The following TACC2 variants were observed in gnomAD, a reference collection of about 807,000 sequenced individuals.
TACC2 encodes transforming acidic coiled-coil-containing protein 2.
Under a neutral mutation model 227.3 loss-of-function variants are expected in TACC2, and 137 were observed. That is an observed-to-expected ratio of 0.60 (90% CI 0.52 to 0.69). The LOEUF (loss-of-function observed/expected upper bound fraction) is 0.69. Ranked by LOEUF, TACC2 falls within the 30% of genes least tolerant of loss-of-function variation. The probability of loss-of-function intolerance (pLI) is 0.00; values close to 1 mark genes in which losing one functional copy is unlikely to be tolerated. For synonymous variants in TACC2, 1,523 were observed against 1,487.5 expected (o/e 1.02, Z -0.55); for missense variants, 3,470 against 3,694.4 (o/e 0.94, Z 1.57).
In TACC2 at chr10:122,085,123, A is replaced by G. The variant is rs1197805195; in HGVS notation, c.2623A>G (p.Ile875Val). ...FKDQGADSSQIHVPVEPQEDN... is the reference protein window; with the variant it reads ...FKDQGADSSQVHVPVEPQEDN... Reference sequence around the variant, plus strand: ...GGACCAGGGAGCAGATTCTTCCCAAATCCATGTACCTGTGGAACCTCAGGA... The same window carrying G: ...GGACCAGGGAGCAGATTCTTCCCAAGTCCATGTACCTGTGGAACCTCAGGA... Residue 875 changes from isoleucine to valine, a missense_variant, in exon 4 of 23, where the codon ATC becomes GTC. By Grantham distance (29) the Ile-to-Val change is conservative. Coordinates refer to ENST00000369005, the MANE Select transcript of TACC2 (RefSeq NM_206862.4). 3.7e-6 allele frequency: 6 copies of G among 1,614,070 alleles called. No homozygotes were observed. The African/African-American group carries it at 6.7e-5, about 18-fold the overall frequency.
intron 3 of TACC2, among the ~76,000 whole-genome samples, chr10:122,074,012 C>T (rs2078465691): frequency 6.6e-6 from 1 of 151,812 alleles, no homozygotes; most frequent in South Asian, 2.1e-4. Flanking sequence ...GATCTCCTGA[C>T]CTTGTGATCT....
chr10:122,008,276 TGAGACAGA>T (rs1955492537), intron 1 of TACC2, among the ~76,000 whole-genome samples: 2 of 102,880 alleles, frequency 1.9e-5, no homozygotes, highest in Non-Finnish European at 3.9e-5. Flanking sequence ...TTTTTTTTTT[TGAGACAGA>T]ATTTTGCTCT....
intron 7 of TACC2, among the ~76,000 whole-genome samples, chr10:122,183,703 T>A (rs1350366928): frequency 6.6e-6 from 1 of 152,138 alleles, no homozygotes; most frequent in East Asian, 1.9e-4. Context: ...CCAAACCTAC[T>A]GGAGACTGAT....
chr10:122,083,797 G>A lies in TACC2; in HGVS notation c.1297G>A (p.Ala433Thr), dbSNP rs2079802232. Residue 433 changes from alanine to threonine, a missense_variant, in exon 4 of 23, where the codon GCT becomes ACT. Coordinates refer to ENST00000369005, the MANE Select transcript of TACC2 (RefSeq NM_206862.4). ...ATTCCCAGCTGCTCAGATTCCTATT[G>A]CTGTAGAAGAACCTGGATCATCATC... ...ASFPAAQIPI[A>T]VEEPGSSSRE... The A allele has an allele frequency of 1.2e-6, 2 of 1,614,046 alleles. No individual in the cohort carries two copies. The highest frequency in any genetic ancestry group is 1.7e-6 in the Non-Finnish European group (2 of 1,180,042).
At chr10:121,993,500 A>G (rs900253946) in intron 1 of TACC2, among the ~76,000 whole-genome samples, 24 of 152,200 alleles carry the variant, frequency 1.6e-4, no homozygotes, top group African/African-American at 5.8e-4. Context: ...GTTTCCAGAA[A>G]GAATTATTTA....
intron 8 of TACC2, among the ~76,000 whole-genome samples, chr10:122,203,866 C>T (rs1288952484): frequency 6.6e-6 from 1 of 151,982 alleles, no homozygotes; most frequent in Admixed American, 6.6e-5. Flanking sequence ...AGCCTTGGCA[C>T]CATTGAGCAC....
chr10:122,203,406 G>T (rs1288431757), intron 8 of TACC2, among the ~76,000 whole-genome samples: 1 of 150,046 alleles, frequency 6.7e-6, no homozygotes, highest in Non-Finnish European at 1.5e-5. Flanking sequence ...GCGGCTGGCT[G>T]GGCGGGCGGC....
At chr10:122,039,981 C>T (rs958689836) in intron 2 of TACC2, among the ~76,000 whole-genome samples, 1 of 120,440 alleles carries the variant, frequency 8.3e-6, no homozygotes, top group African/African-American at 3.4e-5. Context: ...GAGCCTCAGC[C>T]CAGCCCCTTG....
intron 2 of TACC2, among the ~76,000 whole-genome samples, chr10:122,038,813 A>G (rs1388644403): frequency 6.6e-6 from 1 of 152,192 alleles, no homozygotes; most frequent in African/African-American, 2.4e-5. Context: ...GAGAAAAGAA[A>G]AAAAATAATT....
intron 1 of TACC2, among the ~76,000 whole-genome samples, chr10:122,017,116 C>T (rs1956747924): frequency 6.6e-6 from 1 of 152,146 alleles, no homozygotes; most frequent in South Asian, 2.1e-4. Context: ...GGTGGTGTTA[C>T]AGCAGCCGGA....
chr10:122,206,377 A>G (rs147651827), intron 8 of TACC2, among the ~76,000 whole-genome samples: 30 of 152,232 alleles, frequency 2.0e-4, no homozygotes, highest in African/African-American at 5.8e-4. Context: ...CCAACCCCCA[A>G]TGTGATTATT....
At chr10:122,004,672 C>T (rs1198521010) in intron 1 of TACC2, among the ~76,000 whole-genome samples, 2 of 152,076 alleles carry the variant, frequency 1.3e-5, no homozygotes, top group African/African-American at 2.4e-5. Flanking sequence ...CACCCATTCC[C>T]GAGCTCCCTG....
chr10:122,006,877 T>TG (rs1955225884), intron 1 of TACC2, among the ~76,000 whole-genome samples: 2 of 135,534 alleles, frequency 1.5e-5, no homozygotes, highest in Non-Finnish European at 3.3e-5. Flanking sequence ...TTTTTTTTTT[T>TG]TGAGATGGAA....
At chr10:122,138,229 G>A (rs1034301261) in intron 6 of TACC2, among the ~76,000 whole-genome samples, 1 of 152,162 alleles carries the variant, frequency 6.6e-6, no homozygotes, top group East Asian at 1.9e-4. Flanking sequence ...TGAATGATAG[G>A]TTGGGTGCGG....
chr10:122,198,907 C>T (rs776047319), intron 8 of TACC2, among the ~76,000 whole-genome samples: 3 of 152,180 alleles, frequency 2.0e-5, no homozygotes, highest in East Asian at 1.9e-4. Context: ...GCCACGCCCC[C>T]GAGGCAAAGG....
At position 122,141,563 on chromosome 10, in the gene TACC2, G is replaced by A. The variant is rs1311621440; in HGVS notation, c.5700-2009G>A. 2.0e-5 allele frequency among the ~76,000 whole-genome samples: 3 copies of A among 152,048 alleles called. No individual in the cohort carries two copies. The highest frequency in any genetic ancestry group is 7.3e-5 in the African/African-American group (3 of 41,370). ...AGCCTTGGTTGTGCTGCCCCAGGGT[G>A]TTCTCAGAGATGGGGCAGGTGTAGC... On this transcript the variant is annotated intron_variant, in intron 6 of 22. Coordinates refer to ENST00000369005, the MANE Select transcript of TACC2 (RefSeq NM_206862.4). The surrounding 1 kb of genome is among the most constrained non-coding windows in gnomAD (Gnocchi z 4.3).
At chr10:122,068,669 A>T (rs79293433) in intron 3 of TACC2, among the ~76,000 whole-genome samples, 7,709 of 40,032 alleles carry the variant, frequency 0.19, 311 homozygotes, top group East Asian at 0.49. Flanking sequence ...CTCCTCCGAA[A>T]CCTTTTTTTT....
intron 7 of TACC2, chr10:122,163,664 C>T (rs1348051067): frequency 1.3e-5 from 12 of 944,732 alleles, no homozygotes; most frequent in African/African-American, 3.4e-5. Context: ...CGGGCAGAGC[C>T]GCGCACGCCG....
chr10:122,036,567 C>T (rs1960469697), intron 2 of TACC2, among the ~76,000 whole-genome samples: 1 of 148,246 alleles, frequency 6.7e-6, no homozygotes, highest in African/African-American at 2.5e-5. Flanking sequence ...TGGCTGAGAT[C>T]TCGGCTCATT....
Sources: allele counts gnomAD v4.1 joint callset (sites outside exome capture counted in the v4.1 genomes callset), GRCh38; gene constraint gnomAD v4.1.1; non-coding constraint Gnocchi (gnomAD v3.1); transcripts MANE v1.5; gene names NCBI Gene and HGNC (gene_info 2026-07-23, HGNC 2026-07-21).